Variants in EPRS1 observed in about 807,000 individuals in gnomAD.
EPRS1 encodes bifunctional glutamate/proline--tRNA ligase.
In EPRS1, 107 loss-of-function variants were observed where a neutral mutation model predicts 188.3. The ratio of observed to expected loss-of-function variants is 0.57; its 90% CI spans 0.49 to 0.67. The LOEUF (loss-of-function observed/expected upper bound fraction) is 0.67, where lower values mean the gene tolerates loss of function less well. Ranked by LOEUF, EPRS1 falls within the 30% of genes least tolerant of loss-of-function variation. EPRS1 has a pLI of 0.00. For synonymous variants in EPRS1, 596 were observed against 593.1 expected (o/e 1.00, Z -0.07); for missense variants, 1,577 against 1,802.2 (o/e 0.88, Z 2.26).
chr1:220,009,926 A>G (rs1162226341), intron 13 of EPRS1, among the ~76,000 whole-genome samples: 1 of 151,846 alleles, frequency 6.6e-6, no homozygotes, highest in Non-Finnish European at 1.5e-5. Flanking sequence ...GCAAAACCCC[A>G]TCTCTACTAA....
chr1:220,028,789 C>T (rs1236066783), intron 6 of EPRS1, among the ~76,000 whole-genome samples: 1 of 122,234 alleles, frequency 8.2e-6, no homozygotes, highest in Non-Finnish European at 1.9e-5. Context: ...AAAGACTAAG[C>T]CAAGCCTTCT....
At chr1:219,984,008 C>G (rs918017256) in intron 21 of EPRS1, among the ~76,000 whole-genome samples, 198 bp downstream of exon 21, 1 of 151,474 alleles carries the variant, frequency 6.6e-6, no homozygotes, top group African/African-American at 2.4e-5. Context: ...ATCACTATCT[C>G]ATGGTACTGC....
intron 27 of EPRS1, among the ~76,000 whole-genome samples, 165 bp from the exon 28 acceptor site, chr1:219,978,884 G>A (rs931789200): frequency 1.3e-5 from 2 of 151,964 alleles, no homozygotes; most frequent in African/African-American, 2.4e-5. Context: ...TCACTTACCC[G>A]TGCTAAATGC....
chr1:220,015,880 A>C (rs1384654373), intron 12 of EPRS1, among the ~76,000 whole-genome samples: 1 of 152,184 alleles, frequency 6.6e-6, no homozygotes, highest in Admixed American at 6.5e-5. Context: ...CCCTAGGAAG[A>C]TGCTGAAGAG....
At chr1:220,027,505 T>C (rs1384593291) in intron 6 of EPRS1, among the ~76,000 whole-genome samples, 2 of 148,690 alleles carry the variant, frequency 1.3e-5, no homozygotes, top group African/African-American at 5.0e-5. Flanking sequence ...GGCAGGAGAA[T>C]TGCTTGAACC....
Position 219,969,130 on chromosome 1 carries a change from AGAAAAG to A in EPRS1, c.4324-14_4324-9del. On this transcript the variant is annotated splice_polypyrimidine_tract_variant and intron_variant, in intron 30 of 31. Transcript: ENST00000366923. ...GAATGGAATCTGAACAATCTAATTA[AGAAAAG>A]GAAAAGTAATCAGTATTTATAACTC... The A allele has an allele frequency of 6.3e-7, 1 of 1,586,940 alleles. No individual in the cohort carries two copies. Among genetic ancestry groups the A allele is most frequent in the African/African-American group, 1.3e-5 (1 of 74,522 alleles).
At chr1:220,042,921 A>G (rs1468681896) in intron 1 of EPRS1, among the ~76,000 whole-genome samples, 1 of 152,060 alleles carries the variant, frequency 6.6e-6, no homozygotes, top group Non-Finnish European at 1.5e-5. Flanking sequence ...CTCCATCTCA[A>G]AAAACAAACA....
rs375396672 is a variant in EPRS1 at position 219,997,382 on chromosome 1, T to C, written c.2182-40A>G. 2.0e-4 allele frequency: 297 copies of C among 1,466,002 alleles called. 2 individuals carry two copies. The African/African-American group carries it at 4.0e-3, about 20-fold the overall frequency. 90.8% of individuals were successfully genotyped at this position (1,466,002 alleles called of 1,614,324 possible). A position where few individuals can be genotyped will look rare whatever the true frequency, so the allele number is the denominator to read the frequency against. ...AACCAAAAGTAAAATAATTAATTCA[T>C]ATTAAATGTTTTCCCACAAAATTAT... On this transcript the variant is annotated intron_variant, in intron 17 of 31. Transcript: ENST00000366923.
chr1:219,979,298 G>A (rs780394245), intron 27 of EPRS1, 120 bp downstream of exon 27: 619 of 704,726 alleles, frequency 8.8e-4, no homozygotes, highest in Non-Finnish European at 1.3e-3. Context: ...ATTCCACGTT[G>A]TTTTTATTAT....
intron 13 of EPRS1, among the ~76,000 whole-genome samples, chr1:220,010,511 T>C (rs1661580899): frequency 6.6e-6 from 1 of 152,104 alleles, no homozygotes; most frequent in South Asian, 2.1e-4. Flanking sequence ...CCTGACAATG[T>C]TGAATAGAAA....
intron 6 of EPRS1, among the ~76,000 whole-genome samples, chr1:220,027,401 C>T (rs994277697): frequency 2.0e-5 from 3 of 148,736 alleles, no homozygotes; most frequent in Non-Finnish European, 3.0e-5. Flanking sequence ...GCACTCCAGC[C>T]CGGGCGACAG....
Position 220,022,309 on chromosome 1 carries a change from C to A in EPRS1, c.1115+38G>T, listed in dbSNP as rs12095669. 7.1e-3 allele frequency: 10,960 copies of A among 1,549,414 alleles called. 598 individuals carry two copies. In the African/African-American group the frequency reaches 0.13, roughly 18 times the overall value. On this transcript the variant is annotated intron_variant, in intron 9 of 31. Coordinates refer to ENST00000366923, the MANE Select transcript of EPRS1 (RefSeq NM_004446.3). Reference sequence around the variant, plus strand: ...TTTAAAGAAGATCAAAACAAAAGCACAGATGGCTACCTAGCATATTGAAGG... The same window carrying A: ...TTTAAAGAAGATCAAAACAAAAGCAAAGATGGCTACCTAGCATATTGAAGG...
intron 28 of EPRS1, among the ~76,000 whole-genome samples, chr1:219,974,223 C>T (rs971694723): frequency 6.6e-5 from 10 of 152,174 alleles, no homozygotes; most frequent in East Asian, 1.9e-4. Flanking sequence ...GGATTATAGA[C>T]GTGAGCCACC....
intron 27 of EPRS1, 30 bp from the exon 28 acceptor site, chr1:219,978,749 G>A (rs771995667): frequency 1.3e-6 from 2 of 1,566,116 alleles, no homozygotes; most frequent in East Asian, 2.3e-5. Context: ...CCAAATGTAT[G>A]CAAAGAAACA....
rs188013696 is a variant in EPRS1, at chr1:219,996,929, C to G, written c.2541+54G>C. On this transcript the variant is annotated intron_variant, in intron 18 of 31. Coordinates refer to ENST00000366923, the MANE Select transcript of EPRS1 (RefSeq NM_004446.3). ...TATAAGAAGATGAGACTACTCTAAG[C>G]AGTTTGAATTCACACACTGAAAATG... The G allele has an allele frequency of 4.0e-3, 6,039 of 1,505,524 alleles. 15 individuals are homozygous for G. Among genetic ancestry groups the G allele is most frequent in the Non-Finnish European group, 4.9e-3 (5,557 of 1,131,256 alleles). 93.3% of individuals were successfully genotyped at this position (1,505,524 alleles called of 1,614,324 possible).
chr1:219,998,338 G>A (rs1301435736), intron 17 of EPRS1, among the ~76,000 whole-genome samples: 4 of 151,894 alleles, frequency 2.6e-5, no homozygotes, highest in Admixed American at 1.3e-4. Context: ...TTACACAGGC[G>A]TTAGGCTCTC....
At chr1:219,987,555 G>A in intron 19 of EPRS1, 151 bp from the exon 20 acceptor site, 1 of 634,706 alleles carries the variant, frequency 1.6e-6, no homozygotes, top group Non-Finnish European at 2.6e-6. Context: ...GTTTGAGGGA[G>A]GCATATCTCA....
chr1:219,997,257 C>T lies in EPRS1; in HGVS notation c.2267G>A (p.Arg756Lys), dbSNP rs1367903360. 6.2e-7 allele frequency: 1 copy of T among 1,613,900 alleles called. No individual in the cohort carries two copies. The highest frequency in any genetic ancestry group is 8.5e-7 in the Non-Finnish European group (1 of 1,179,954). ...AACCACATCTCCTTGAACAGCCACT[C>T]TATTGTAAAGGACCAAGGAATCCTC... ...TSEDSLVLYN[R>K]VAVQGDVVRE... Residue 756 changes from arginine (R) to lysine (K), a missense_variant, in exon 18 of 32, where the codon AGA (arginine) becomes AAA (lysine). By Grantham distance (26) the Arg-to-Lys change is conservative. This residue lies in a region of EPRS1 where 1,278 missense variants were observed against 1,457.4 expected (regional missense o/e 0.88). Transcript: ENST00000366923.
At chr1:220,014,327 C>A (rs1371737111) in intron 12 of EPRS1, among the ~76,000 whole-genome samples, 5 of 149,524 alleles carry the variant, frequency 3.3e-5, no homozygotes, top group Non-Finnish European at 3.0e-5. Context: ...GACTCCATCT[C>A]AAAAAAAAAC....
Sources: gnomAD v4.1 joint callset for allele counts (sites outside exome capture counted in the v4.1 genomes callset) on GRCh38, gnomAD v4.1.1 for gene constraint, gnomAD v4.1.1 regional missense constraint, MANE v1.5 for transcripts, NCBI Gene and HGNC (gene_info 2026-07-23, HGNC 2026-07-21) for gene names.